TNFAIP8: variants seen among roughly 807,000 people sequenced by gnomAD.
TNFAIP8 encodes the protein TNF alpha induced protein 8.
In TNFAIP8, 7 loss-of-function variants were observed where a neutral mutation model predicts 13.3. The observed-to-expected ratio is 0.52, with a 90% CI of 0.30 to 0.99. The LOEUF is 0.99. Among genes scored for constraint, TNFAIP8 ranks in the 50% least tolerant of loss-of-function variants. TNFAIP8 has a pLI of 0.07. For synonymous variants in TNFAIP8, 94 were observed against 87.6 expected, an observed-to-expected ratio of 1.07 and a Z score of -0.41; for missense variants, 258 against 236.9, an observed-to-expected ratio of 1.09 and a Z score of -0.58.
At chr5:119,339,822 T>G (rs1750677095) in intron 1 of TNFAIP8, among the ~76,000 whole-genome samples, 1 of 152,240 alleles carries the variant, frequency 6.6e-6, no homozygotes, top group Non-Finnish European at 1.5e-5. Context: ...GCCATATGTT[T>G]CTGCAAAGAA....
chr5:119,341,220 C>T (rs1043057747), intron 1 of TNFAIP8, among the ~76,000 whole-genome samples: 4 of 151,902 alleles, frequency 2.6e-5, no homozygotes, highest in South Asian at 2.1e-4. Flanking sequence ...TCCACCTAAG[C>T]GAGAGATTGC....
At position 119,284,256 on chromosome 5, in the gene TNFAIP8, A is replaced by G. The variant is rs1260416037; in HGVS notation, c.1+15349A>G. On this transcript the variant is annotated intron_variant, in intron 1 of 1. Transcript: ENST00000274456. ...TCCTCTTGCAGGAACTATGCCACCTAGCCAGCTTGCAGGGGCTTGCTGGAG... is the reference window on the plus strand; with the variant it reads ...TCCTCTTGCAGGAACTATGCCACCTGGCCAGCTTGCAGGGGCTTGCTGGAG... Among the ~76,000 whole-genome samples, 5 of 152,294 alleles carry G rather than the reference A, an allele frequency of 3.3e-5. No homozygotes were observed. In the East Asian group the frequency reaches 9.6e-4, roughly 29 times the overall value.
chr5:119,281,750 T>C (rs920679644), intron 1 of TNFAIP8, among the ~76,000 whole-genome samples: 2 of 152,244 alleles, frequency 1.3e-5, no homozygotes, highest in African/African-American at 4.8e-5. Context: ...GGTTGTTGTA[T>C]ATATCATGCT....
intron 1 of TNFAIP8, among the ~76,000 whole-genome samples, chr5:119,330,269 T>C (rs1750335959): frequency 6.6e-6 from 1 of 152,172 alleles, no homozygotes; most frequent in Non-Finnish European, 1.5e-5. Flanking sequence ...TGCCAAAGCA[T>C]AAAGGCCAAG....
At position 119,361,628 on chromosome 5, in the gene TNFAIP8, G is replaced by T. The variant is rs567228760; in HGVS notation, c.31+5507G>T. ...GCTCTGATAGCTTTAGGTGCCTGAA[G>T]CCTCCAGACCACATTTGTTGAAGTC... On this transcript the variant is annotated intron_variant, in intron 1 of 1. Transcript: ENST00000504771. Among the ~76,000 whole-genome samples, 23 of 152,354 alleles carry T rather than the reference G, an allele frequency of 1.5e-4. 1 individual carries two copies. In the East Asian group the frequency reaches 4.4e-3, roughly 29 times the overall value.
chr5:119,348,493 T>G (rs1180829841), intron 1 of TNFAIP8, among the ~76,000 whole-genome samples: 1 of 152,170 alleles, frequency 6.6e-6, no homozygotes, highest in African/African-American at 2.4e-5. Context: ...TCAAGGAGGC[T>G]GTCTCTGGTA....
chr5:119,305,852 G>A (rs1749534196), intron 1 of TNFAIP8, among the ~76,000 whole-genome samples: 1 of 152,290 alleles, frequency 6.6e-6, no homozygotes, highest in East Asian at 1.9e-4. Flanking sequence ...TTCTTGGATG[G>A]AGGGCCACAG....
intron 1 of TNFAIP8, among the ~76,000 whole-genome samples, chr5:119,362,727 G>C (rs987713722): frequency 6.6e-6 from 1 of 152,010 alleles, no homozygotes; most frequent in Non-Finnish European, 1.5e-5. Context: ...AGGAGTTCAA[G>C]GCTGCAGTGA....
At chr5:119,324,240 A>G (rs1750144911) in intron 1 of TNFAIP8, among the ~76,000 whole-genome samples, 1 of 130,324 alleles carries the variant, frequency 7.7e-6, no homozygotes. Flanking sequence ...GCGCCACTGC[A>G]CTCCAGCCTG....
At chr5:119,363,101 A>G (rs1051578798) in intron 1 of TNFAIP8, among the ~76,000 whole-genome samples, 7 of 152,214 alleles carry the variant, frequency 4.6e-5, no homozygotes, top group African/African-American at 1.7e-4. Flanking sequence ...AATAAAGGAA[A>G]TAGAAATGGA....
chr5:119,373,169 C>T (rs960449665), intron 1 of TNFAIP8, among the ~76,000 whole-genome samples: 11 of 152,052 alleles, frequency 7.2e-5, no homozygotes, highest in African/African-American at 2.4e-4. Flanking sequence ...AACCCCTTTT[C>T]GACAGCCTGC....
At chr5:119,337,401 T>A (rs1016615526) in intron 1 of TNFAIP8, among the ~76,000 whole-genome samples, 2 of 152,162 alleles carry the variant, frequency 1.3e-5, no homozygotes, top group African/African-American at 2.4e-5. Flanking sequence ...CATTTCTCCT[T>A]TCAGTAAAAT....
chr5:119,306,318 C>CTTTTTTTTTTTTTTTTTTTTTTTTTTT (rs770923933), intron 1 of TNFAIP8: 3 of 121,756 alleles, frequency 2.5e-5, no homozygotes, highest in African/African-American at 1.2e-4. Context: ...TTCTTTCTTT[C>CTTTTTTTTTTTTTTTTTTTTTTTTTTT]TTTTTCTTTT....
chr5:119,374,229 C>T (rs1026743155), intron 1 of TNFAIP8, among the ~76,000 whole-genome samples: 1 of 151,828 alleles, frequency 6.6e-6, no homozygotes, highest in Non-Finnish European at 1.5e-5. Context: ...TTGCATTATA[C>T]TTACTGGTTG....
chr5:119,285,364 TA>T, intron 1 of TNFAIP8, among the ~76,000 whole-genome samples: 1 of 152,196 alleles, frequency 6.6e-6, no homozygotes, highest in Non-Finnish European at 1.5e-5. Context: ...AGTCCAAAGC[TA>T]CTGGTAGAGC....
intron 1 of TNFAIP8, among the ~76,000 whole-genome samples, chr5:119,291,560 G>T (rs1031885208): frequency 6.6e-6 from 1 of 152,210 alleles, no homozygotes; most frequent in Non-Finnish European, 1.5e-5. Context: ...CTTATTTTGC[G>T]TAAGTTAAAC....
intron 1 of TNFAIP8, among the ~76,000 whole-genome samples, chr5:119,298,372 G>A (rs1435839957): frequency 1.3e-5 from 2 of 152,070 alleles, no homozygotes; most frequent in African/African-American, 4.8e-5. Flanking sequence ...ATGAAGCTTA[G>A]TTGGGCTGGA....
chr5:119,383,799 G>A (rs1752573761), intron 1 of TNFAIP8, among the ~76,000 whole-genome samples: 1 of 152,154 alleles, frequency 6.6e-6, no homozygotes. Context: ...TTTGAACAAT[G>A]TAAGTATATT....
chr5:119,357,312 A>T (rs994728663), intron 1 of TNFAIP8, among the ~76,000 whole-genome samples: 1 of 152,110 alleles, frequency 6.6e-6, no homozygotes, highest in East Asian at 1.9e-4. Context: ...GTATGGGGGG[A>T]GTAATGCTTT....
Sources: allele counts gnomAD v4.1 joint callset (sites outside exome capture counted in the v4.1 genomes callset), GRCh38; gene constraint gnomAD v4.1.1; transcripts MANE v1.5; gene names NCBI Gene and HGNC (gene_info 2026-07-23, HGNC 2026-07-21).